FOXP2: variants seen among roughly 807,000 people sequenced by gnomAD.
FOXP2 encodes forkhead box protein P2.
Under a neutral mutation model 115.8 loss-of-function variants are expected in FOXP2, and 12 were observed. That is an observed-to-expected ratio of 0.10 (90% confidence interval 0.07 to 0.17). FOXP2 has a LOEUF of 0.17. Among genes scored for constraint, FOXP2 ranks in the 10% least tolerant of loss-of-function variants. FOXP2 has a pLI of 1.00. For synonymous variants in FOXP2, 328 were observed against 297.7 expected, an observed-to-expected ratio of 1.10 and a Z score of -1.05; for missense variants, 629 against 843.5, an observed-to-expected ratio of 0.75 and a Z score of 3.15.
At chr7:114,136,027 A>T (rs1792029166) in intron 1 of FOXP2, among the ~76,000 whole-genome samples, 1 of 152,114 alleles carries the variant, frequency 6.6e-6, no homozygotes, top group Admixed American at 6.5e-5. Context: ...AGCCCAAACA[A>T]GATACACCTA....
chr7:114,283,992 T>TA (rs1252001031), intron 1 of FOXP2, among the ~76,000 whole-genome samples: 1 of 151,884 alleles, frequency 6.6e-6, no homozygotes, highest in East Asian at 1.9e-4. Context: ...ACAAAACACA[T>TA]AAAAAAACTA....
intron 1 of FOXP2, among the ~76,000 whole-genome samples, chr7:114,267,838 T>C (rs1795934159): frequency 6.6e-6 from 1 of 151,390 alleles, no homozygotes; most frequent in Non-Finnish European, 1.5e-5. Context: ...TTTAAGTGTA[T>C]GGTTCAATGT....
intron 2 of FOXP2, among the ~76,000 whole-genome samples, chr7:114,496,547 G>A (rs1402950945): frequency 1.3e-5 from 2 of 152,078 alleles, no homozygotes; most frequent in African/African-American, 4.8e-5. Flanking sequence ...AGCAATTAAT[G>A]TTTGGAAAAC....
intron 2 of FOXP2, among the ~76,000 whole-genome samples, chr7:114,358,240 T>C (rs1024625787): frequency 2.0e-5 from 3 of 152,162 alleles, no homozygotes; most frequent in Non-Finnish European, 4.4e-5. Flanking sequence ...GCTCCTCTTT[T>C]GCCTTCCACC....
At chr7:114,287,899 TAAC>T (rs1297085782) in intron 1 of FOXP2, 9 of 289,688 alleles carry the variant, frequency 3.1e-5, no homozygotes, top group African/African-American at 2.0e-4. Context: ...ATGTTAACAT[TAAC>T]AATTTTTATT....
intron 2 of FOXP2, among the ~76,000 whole-genome samples, chr7:114,326,434 G>A (rs913029051): frequency 6.6e-6 from 1 of 152,040 alleles, no homozygotes; most frequent in Non-Finnish European, 1.5e-5. Context: ...AGTGAAAATC[G>A]TTTGCAAAAA....
intron 3 of FOXP2, among the ~76,000 whole-genome samples, chr7:114,624,512 A>G (rs1804425026): frequency 6.6e-6 from 1 of 151,844 alleles, no homozygotes; most frequent in Non-Finnish European, 1.5e-5. Context: ...CCAATCTCCC[A>G]CACATAATTG....
intron 1 of FOXP2, among the ~76,000 whole-genome samples, chr7:114,268,933 G>C (rs191682519): frequency 1.3e-5 from 2 of 152,002 alleles, no homozygotes; most frequent in Admixed American, 1.3e-4. Flanking sequence ...TTAAATAAAG[G>C]CATCATATAA....
At chr7:114,388,224 G>A (rs528634305) in intron 2 of FOXP2, among the ~76,000 whole-genome samples, 4 of 152,094 alleles carry the variant, frequency 2.6e-5, no homozygotes, top group Admixed American at 6.5e-5. Flanking sequence ...ATCAGATTTG[G>A]CTTGTGGGCC....
rs547479047 is a variant in FOXP2, at chr7:114,571,774, G to A, written c.258+37068G>A. Among the ~76,000 whole-genome samples, 3 of 151,944 alleles carry A rather than the reference G, an allele frequency of 2.0e-5. No individual in the cohort carries two copies. The East Asian group carries it at 5.8e-4, about 29-fold the overall frequency. On this transcript the variant is annotated intron_variant, in intron 3 of 16. Coordinates refer to ENST00000350908, the MANE Select transcript of FOXP2 (RefSeq NM_014491.4). ...ACAGGAGGATGTGCATAGGTTATAT[G>A]TAAATAGTACATCATTTTATATAAG...
At chr7:114,384,463 A>AT (rs1402355245) in intron 2 of FOXP2, among the ~76,000 whole-genome samples, 1 of 152,032 alleles carries the variant, frequency 6.6e-6, no homozygotes, top group African/African-American at 2.4e-5. Context: ...TTCTTAGGCA[A>AT]TTTTTTAACT....
chr7:114,211,551 G>A (rs1446845991), intron 1 of FOXP2, among the ~76,000 whole-genome samples: 1 of 152,230 alleles, frequency 6.6e-6, no homozygotes, highest in African/African-American at 2.4e-5. Context: ...TCAGTCGAAG[G>A]TGCTGAATTC....
intron 1 of FOXP2, among the ~76,000 whole-genome samples, chr7:114,200,172 C>T (rs1214376427): frequency 6.6e-6 from 1 of 152,090 alleles, no homozygotes; most frequent in African/African-American, 2.4e-5. Context: ...GGAACAATAC[C>T]TTCAAGTTAT....
intron 13 of FOXP2, among the ~76,000 whole-genome samples, chr7:114,660,524 G>A (rs1806806340): frequency 6.6e-6 from 1 of 152,146 alleles, no homozygotes; most frequent in Non-Finnish European, 1.5e-5. Flanking sequence ...GATTTAAAAT[G>A]CAAATTAATC....
intron 3 of FOXP2, among the ~76,000 whole-genome samples, chr7:114,595,211 A>G (rs1039981608): frequency 6.6e-6 from 1 of 152,024 alleles, no homozygotes; most frequent in East Asian, 1.9e-4. Context: ...TTAATTTCCT[A>G]TCTTAATTAT....
intron 3 of FOXP2, among the ~76,000 whole-genome samples, chr7:114,583,452 C>A (rs1199524541): frequency 6.6e-6 from 1 of 151,982 alleles, no homozygotes; most frequent in Non-Finnish European, 1.5e-5. Context: ...CTGAGCCTCA[C>A]GACTTTGTTT....
chr7:114,164,843 G>A lies in FOXP2; in HGVS notation c.-102+1755G>A, dbSNP rs987687966. Among the ~76,000 whole-genome samples, 5 of 152,018 alleles carry A rather than the reference G, an allele frequency of 3.3e-5. No homozygotes were observed. The East Asian group carries it at 7.7e-4, about 23-fold the overall frequency. ...TGATGAAGAATTGGAAAATAATGCC[G>A]TTCACAGAAAAATCTTGGTGACCCT... is the stretch of plus-strand genomic sequence containing the variant. On this transcript the variant is annotated intron_variant, in intron 1 of 17. Coordinates refer to the FOXP2 transcript ENST00000634411.
At chr7:114,383,701 G>A (rs141936241) in intron 2 of FOXP2, among the ~76,000 whole-genome samples, 2,587 of 151,596 alleles carry the variant, frequency 0.017, 65 homozygotes, top group African/African-American at 0.057. Context: ...AATATAAGTC[G>A]TTTCTTTCTT....
At chr7:114,447,518 G>A (rs1329986604) in intron 2 of FOXP2, among the ~76,000 whole-genome samples, 7 of 151,924 alleles carry the variant, frequency 4.6e-5, no homozygotes, top group Non-Finnish European at 1.0e-4. Flanking sequence ...ACCTTTTTCT[G>A]CAATTCCAGT....
Sources: gnomAD v4.1 joint callset for allele counts (sites outside exome capture counted in the v4.1 genomes callset) on GRCh38, gnomAD v4.1.1 for gene constraint, MANE v1.5 for transcripts, NCBI Gene and HGNC (gene_info 2026-07-23, HGNC 2026-07-21) for gene names.